WDR64: variants seen among roughly 807,000 people sequenced by gnomAD.
WDR64 encodes the protein WD repeat-containing protein 64.
A neutral mutation model predicts 139.3 loss-of-function variants in WDR64; 112 were observed. That is an observed-to-expected ratio of 0.80 (90% CI 0.69 to 0.94). The LOEUF is 0.94. Among genes scored for constraint, WDR64 ranks in the 40% least tolerant of loss-of-function variants. The pLI, the probability that WDR64 is intolerant of heterozygous loss-of-function variation, is 0.00. For synonymous variants in WDR64, 444 were observed against 437.7 expected, an observed-to-expected ratio of 1.01 and a Z score of -0.18; for missense variants, 1,206 against 1,293.1, an observed-to-expected ratio of 0.93 and a Z score of 1.03.
rs12027319 is a variant in WDR64 at position 241,782,242 on chromosome 1, C to T, written c.2596-1030C>T. 3.8e-4 allele frequency among the ~76,000 whole-genome samples: 58 copies of T among 152,268 alleles called. No homozygotes were observed. In the East Asian group the frequency reaches 4.3e-3, roughly 11 times the overall value. On this transcript the variant is annotated intron_variant, in intron 22 of 27. Transcript: ENST00000437684. ...GGCAGAGGTTGCAGTGAGCCGAGAT[C>T]GCGCCACCGCACTGCAGCCTGGCAA...
intron 23 of WDR64, among the ~76,000 whole-genome samples, chr1:241,784,741 G>A (rs573923989): frequency 9.9e-5 from 15 of 151,900 alleles, no homozygotes; most frequent in Admixed American, 4.6e-4. Flanking sequence ...GGATCACGAG[G>A]TCAGGAGTTG....
intron 15 of WDR64, among the ~76,000 whole-genome samples, chr1:241,762,787 AT>A (rs2148286593): frequency 6.7e-6 from 1 of 148,218 alleles, no homozygotes; most frequent in African/African-American, 2.5e-5. Context: ...AAAAAAAAAA[AT>A]AGAATAATAA....
intron 25 of WDR64, 21 bp downstream of exon 25, chr1:241,790,717 A>G (rs1408803300): frequency 5.9e-6 from 9 of 1,537,908 alleles, no homozygotes; most frequent in Admixed American, 2.2e-5. Context: ...AAAAAAAAAA[A>G]AAAAGAAATG....
chr1:241,778,127 A>C (rs536676516), intron 21 of WDR64, among the ~76,000 whole-genome samples: 8 of 152,312 alleles, frequency 5.3e-5, no homozygotes, highest in African/African-American at 1.9e-4. Flanking sequence ...CTATAACTAT[A>C]ATAATGGATT....
At chr1:241,734,816 G>T (rs963059349) in intron 10 of WDR64, among the ~76,000 whole-genome samples, 3 of 152,140 alleles carry the variant, frequency 2.0e-5, no homozygotes, top group African/African-American at 7.2e-5. Context: ...CTGCATATAT[G>T]ATGGTGATCA....
At chr1:241,745,285 C>T (rs992174255) in intron 13 of WDR64, among the ~76,000 whole-genome samples, 1 of 129,186 alleles carries the variant, frequency 7.7e-6, no homozygotes, top group Non-Finnish European at 1.8e-5. Flanking sequence ...AAAGTGTGAG[C>T]AGATGACAAC....
rs964366383 is a variant in WDR64, at chr1:241,763,138, A to T, written c.1948-3080A>T. Among the ~76,000 whole-genome samples the T allele has an allele frequency of 5.3e-5, 8 of 152,188 alleles. No homozygotes were observed. In the South Asian group the frequency reaches 1.2e-3, roughly 24 times the overall value. ...ATATGTATTTGATATATGAAATCTT[A>T]TTTATAGCTAATAAAAACAGAAAGA... is the stretch of plus-strand genomic sequence containing the variant. On this transcript the variant is annotated intron_variant, in intron 15 of 27. Coordinates refer to ENST00000437684, the MANE Select transcript of WDR64 (RefSeq NM_001367482.1).
At chr1:241,654,891 A>G (rs182493504) in intron 1 of WDR64, among the ~76,000 whole-genome samples, 42 of 152,332 alleles carry the variant, frequency 2.8e-4, no homozygotes, top group Non-Finnish European at 2.9e-4. Flanking sequence ...GTGTAAATAA[A>G]TTTTGTGTTT....
chr1:241,718,413 A>T (rs1383764531), intron 9 of WDR64, among the ~76,000 whole-genome samples: 1 of 152,204 alleles, frequency 6.6e-6, no homozygotes, highest in East Asian at 1.9e-4. Context: ...CTGAAAAAGT[A>T]GACCTTGGGC....
intron 1 of WDR64, among the ~76,000 whole-genome samples, chr1:241,655,104 G>A (rs1345188985): frequency 2.0e-5 from 3 of 152,112 alleles, no homozygotes; most frequent in Admixed American, 1.3e-4. Flanking sequence ...AGTCTTCTTG[G>A]CCAGGCGCGG....
intron 16 of WDR64, among the ~76,000 whole-genome samples, chr1:241,769,177 A>G (rs535154639): frequency 5.3e-5 from 8 of 152,202 alleles, no homozygotes; most frequent in African/African-American, 1.9e-4. Context: ...TAGGAAGATT[A>G]GACAGGTTAG....
At chr1:241,778,512 A>T (rs778750987) in intron 21 of WDR64, among the ~76,000 whole-genome samples, 4 of 152,164 alleles carry the variant, frequency 2.6e-5, no homozygotes, top group African/African-American at 9.7e-5. Flanking sequence ...TTGATTATTG[A>T]CATAGTTGAA....
At chr1:241,718,208 T>A (rs1668473165) in intron 9 of WDR64, among the ~76,000 whole-genome samples, 1 of 152,140 alleles carries the variant, frequency 6.6e-6, no homozygotes, top group South Asian at 2.1e-4. Flanking sequence ...TGAGAACTAC[T>A]AGGCTCACCA....
rs200372050 is a variant in WDR64 at position 241,766,273 on chromosome 1, G to T, written c.2003G>T (p.Gly668Val). The change falls in exon 16 of 28, where the codon GGA becomes GTA. Residue 668 changes from glycine (G) to valine (V), a missense_variant. Transcript: ENST00000437684. ...TGCATTGATTTACTACAAGTAGAAG[G>T]ATATAATTTGATAGCAGCTGGAACC... ...VNCIDLLQVE[G>V]YNLIAAGTLN... 9 of 1,613,964 alleles carry T rather than the reference G, an allele frequency of 5.6e-6. No individual in the cohort carries two copies. The Admixed American group carries it at 1.2e-4, about 21-fold the overall frequency.
chr1:241,705,499 G>A (rs890971777), intron 8 of WDR64, among the ~76,000 whole-genome samples: 17 of 150,604 alleles, frequency 1.1e-4, no homozygotes, highest in Admixed American at 2.7e-4. Flanking sequence ...CCGAGATCGC[G>A]CCACTGCACT....
At chr1:241,746,744 C>T (rs1015807977) in intron 13 of WDR64, among the ~76,000 whole-genome samples, 2 of 149,658 alleles carry the variant, frequency 1.3e-5, no homozygotes, top group African/African-American at 2.5e-5. Flanking sequence ...TAAAAGGTCA[C>T]GTATTCCATT....
At chr1:241,740,118 T>C (rs1047237309) in intron 11 of WDR64, among the ~76,000 whole-genome samples, 1 of 152,236 alleles carries the variant, frequency 6.6e-6, no homozygotes, top group Non-Finnish European at 1.5e-5. Context: ...CCCAGCTGAC[T>C]AGTGGCAGGA....
At chr1:241,765,307 G>A (rs1658103461) in intron 15 of WDR64, among the ~76,000 whole-genome samples, 2 of 152,116 alleles carry the variant, frequency 1.3e-5, no homozygotes, top group African/African-American at 4.8e-5. Context: ...GAAGCTTGTA[G>A]GAGAGGACTG....
intron 15 of WDR64, among the ~76,000 whole-genome samples, chr1:241,762,744 T>A (rs1657977025): frequency 6.6e-6 from 1 of 151,258 alleles, no homozygotes; most frequent in Admixed American, 6.6e-5. Context: ...TATTTCCTTT[T>A]TTATTATTAT....
Sources: gnomAD v4.1 joint callset for allele counts (sites outside exome capture counted in the v4.1 genomes callset) on GRCh38, gnomAD v4.1.1 for gene constraint, MANE v1.5 for transcripts, NCBI Gene and HGNC (gene_info 2026-07-23, HGNC 2026-07-21) for gene names.